Variants in GALNT13 observed in about 807,000 individuals in gnomAD.
The protein encoded by GALNT13 is polypeptide N-acetylgalactosaminyltransferase 13, also known as UDP-GalNAc:polypeptide N-acetylgalactosaminyltransferase 13.
In GALNT13, 28 loss-of-function variants were observed where a neutral mutation model predicts 64.2. That is an observed-to-expected ratio of 0.44 (90% CI 0.32 to 0.60). The LOEUF is 0.60. GALNT13 is among the 20% of genes least tolerant of loss of function. The probability of loss-of-function intolerance (pLI) is 0.05; values close to 1 mark genes in which losing one functional copy is unlikely to be tolerated. For missense variants in GALNT13, 577 were observed against 669.8 expected, an observed-to-expected ratio of 0.86 and a Z score of 1.53; for synonymous variants, 214 against 224.6, an observed-to-expected ratio of 0.95 and a Z score of 0.42.
chr2:153,273,226 A>G, the GALNT13 span, among the ~76,000 whole-genome samples: 1 of 152,204 alleles, frequency 6.6e-6, no homozygotes, highest in South Asian at 2.1e-4. Context: ...GTGTATACCT[A>G]TGTAACAAAC....
chr2:153,671,425 C>T, the GALNT13 span, among the ~76,000 whole-genome samples: 5 of 152,212 alleles, frequency 3.3e-5, no homozygotes, highest in South Asian at 4.1e-4. Context: ...GAATTTTCAA[C>T]CCAGAATTTC....
chr2:153,495,090 T>G, the GALNT13 span, among the ~76,000 whole-genome samples: 1 of 152,154 alleles, frequency 6.6e-6, no homozygotes, highest in East Asian at 1.9e-4. Context: ...CTTGATTATT[T>G]TGCCTTTCTT....
At chr2:153,467,142 T>C in the GALNT13 span, among the ~76,000 whole-genome samples, 10 of 152,204 alleles carry the variant, frequency 6.6e-5, no homozygotes, top group Admixed American at 2.0e-4. Flanking sequence ...CAACATGATA[T>C]ATGTGAACAT....
chr2:153,615,173 G>C, the GALNT13 span, among the ~76,000 whole-genome samples: 1 of 151,914 alleles, frequency 6.6e-6, no homozygotes, highest in African/African-American at 2.4e-5. Context: ...ATAATCTTCA[G>C]TTCTATCCAT....
chr2:153,374,283 T>A, the GALNT13 span, among the ~76,000 whole-genome samples: 3 of 152,226 alleles, frequency 2.0e-5, no homozygotes, highest in Non-Finnish European at 2.9e-5. Context: ...CAAACAAGTA[T>A]GAAGTTATAT....
intron 10 of GALNT13, among the ~76,000 whole-genome samples, chr2:154,400,834 C>T (rs183162782): frequency 2.6e-3 from 398 of 152,030 alleles, no homozygotes; most frequent in Non-Finnish European, 4.5e-3. Flanking sequence ...TTAACATGCT[C>T]GGTTCTGATC....
chr2:154,068,348 A>C (rs569003601), intron 3 of GALNT13, among the ~76,000 whole-genome samples: 17 of 151,956 alleles, frequency 1.1e-4, no homozygotes, highest in Admixed American at 7.2e-4. Flanking sequence ...ATGATCCTGC[A>C]ATCCCACTTC....
chr2:154,045,188 T>G (rs1430642054), intron 3 of GALNT13, among the ~76,000 whole-genome samples: 7 of 152,204 alleles, frequency 4.6e-5, no homozygotes, highest in Non-Finnish European at 1.5e-5. Flanking sequence ...TTGAAGCAAC[T>G]TTTAGAAAAG....
the GALNT13 span, among the ~76,000 whole-genome samples, chr2:153,347,197 C>T: frequency 1.3e-5 from 2 of 152,186 alleles, no homozygotes; most frequent in Admixed American, 6.5e-5. Context: ...TGGCCTTAGC[C>T]TGCCCAAGCT....
At chr2:154,313,368 A>G (rs988958375) in intron 9 of GALNT13, among the ~76,000 whole-genome samples, 1 of 148,020 alleles carries the variant, frequency 6.8e-6, no homozygotes, top group Non-Finnish European at 1.5e-5. Context: ...TATATACACT[A>G]GATATCTATA....
the GALNT13 span, among the ~76,000 whole-genome samples, chr2:153,706,134 C>A: frequency 1.3e-5 from 2 of 151,990 alleles, no homozygotes; most frequent in African/African-American, 4.8e-5. Context: ...TTAGCTGGCA[C>A]TACAGGCCTG....
the GALNT13 span, among the ~76,000 whole-genome samples, chr2:153,626,687 T>C: frequency 6.6e-6 from 1 of 152,094 alleles, no homozygotes; most frequent in Non-Finnish European, 1.5e-5. Flanking sequence ...AAATCAGGGA[T>C]TGACAAGCTA....
chr2:153,722,633 T>TCC, the GALNT13 span, among the ~76,000 whole-genome samples: 1 of 151,926 alleles, frequency 6.6e-6, no homozygotes, highest in Non-Finnish European at 1.5e-5. Flanking sequence ...TCACCACCGA[T>TCC]CCCACAGAAA....
chr2:153,884,843 G>A (rs545855985), intron 1 of GALNT13, among the ~76,000 whole-genome samples: 1,102 of 85,098 alleles, frequency 0.013, 21 homozygotes, highest in African/African-American at 0.054. Context: ...GTGTGTGTGT[G>A]TATATATGTA....
chr2:153,918,339 G>A (rs1574112017), intron 2 of GALNT13, among the ~76,000 whole-genome samples: 1 of 152,094 alleles, frequency 6.6e-6, no homozygotes, highest in Non-Finnish European at 1.5e-5. Flanking sequence ...CAATCAAACA[G>A]GGTGAGAATT....
At chr2:154,214,635 G>A (rs1206347106) in intron 4 of GALNT13, among the ~76,000 whole-genome samples, 1 of 152,034 alleles carries the variant, frequency 6.6e-6, no homozygotes, top group Non-Finnish European at 1.5e-5. Context: ...GTTTTATAAG[G>A]CTCTTCCCCC....
intron 9 of GALNT13, among the ~76,000 whole-genome samples, chr2:154,393,117 A>G (rs912789325): frequency 1.3e-5 from 2 of 152,316 alleles, no homozygotes; most frequent in Non-Finnish European, 2.9e-5. Flanking sequence ...AGATCCCAGT[A>G]AAATTATTGG....
At chr2:153,802,865 C>G in the GALNT13 span, among the ~76,000 whole-genome samples, 1 of 152,228 alleles carries the variant, frequency 6.6e-6, no homozygotes, top group African/African-American at 2.4e-5. Context: ...CATGCCTTAG[C>G]ATCTGCCCTC....
chr2:154,213,065 A>G (rs1687864464), intron 4 of GALNT13, among the ~76,000 whole-genome samples: 1 of 152,132 alleles, frequency 6.6e-6, no homozygotes, highest in Non-Finnish European at 1.5e-5. Context: ...TTAAAGATGA[A>G]GTATGAACTT....
Sources: allele counts gnomAD v4.1 joint callset (sites outside exome capture counted in the v4.1 genomes callset), GRCh38; gene constraint gnomAD v4.1.1; transcripts MANE v1.5; gene names NCBI Gene and HGNC (gene_info 2026-07-23, HGNC 2026-07-21).